ST8SIA2: variants seen among roughly 807,000 people sequenced by gnomAD.
The protein encoded by ST8SIA2 is ST8 alpha-N-acetyl-neuraminide alpha-2,8-sialyltransferase 2.
A neutral mutation model predicts 37.6 loss-of-function variants in ST8SIA2; 22 were observed. The observed-to-expected ratio is 0.58, with a 90% CI of 0.42 to 0.83. The LOEUF is 0.83. ST8SIA2 is among the 40% of genes least tolerant of loss of function. ST8SIA2 has a pLI of 0.00. For synonymous variants in ST8SIA2, 205 were observed against 201.2 expected, an observed-to-expected ratio of 1.02 and a Z score of -0.16; for missense variants, 382 against 484.7, an observed-to-expected ratio of 0.79 and a Z score of 1.99.
intron 4 of ST8SIA2, among the ~76,000 whole-genome samples, chr15:92,443,894 G>C (rs774302235): frequency 6.6e-6 from 1 of 152,054 alleles, no homozygotes; most frequent in Non-Finnish European, 1.5e-5. Context: ...CGAGGAACCC[G>C]GGAATCTATA....
At chr15:92,449,377 A>G (rs974334079) in intron 5 of ST8SIA2, among the ~76,000 whole-genome samples, 2 of 152,340 alleles carry the variant, frequency 1.3e-5, no homozygotes, top group Non-Finnish European at 2.9e-5. Flanking sequence ...TCCATGGTGT[A>G]TATGTACCAC....
chr15:92,438,722 C>G, intron 4 of ST8SIA2, 112 bp downstream of exon 4: 1 of 1,393,804 alleles, frequency 7.2e-7, no homozygotes, highest in Non-Finnish European at 9.5e-7. Context: ...GTGGAGTTAG[C>G]CCCTGCTCTC....
Position 92,397,374 on chromosome 15 carries a change from G to T in ST8SIA2, c.98+3212G>T, listed in dbSNP as rs75216219. Among the ~76,000 whole-genome samples the T allele has an allele frequency of 8.4e-3, 1,285 of 152,172 alleles. 17 individuals carry two copies. The highest frequency in any genetic ancestry group is 0.029 in the African/African-American group (1,189 of 41,498). On this transcript the variant is annotated intron_variant, in intron 1 of 5. Transcript: ENST00000268164. ...TTGAGGGGCAGGGCTTTCTTTGAGG[G>T]GAGTTTTCTGAGACACACATCTCTT...
Position 92,464,201 on chromosome 15 carries a change from T to C in ST8SIA2, c.944T>C (p.Phe315Ser). 6.2e-7 allele frequency: 1 copy of C among 1,613,638 alleles called. No homozygotes were observed. The highest frequency in any genetic ancestry group is 8.5e-7 in the Non-Finnish European group (1 of 1,179,938). The change falls in exon 6 of 6, where the codon TTC (phenylalanine) becomes TCC (serine). Residue 315 changes from phenylalanine (F) to serine (S), a missense_variant. By Grantham distance (155) the Phe-to-Ser change is radical. Coordinates refer to ENST00000268164, the MANE Select transcript of ST8SIA2 (RefSeq NM_006011.4). ...RFCKQIYLYG[F>S]WPFPLDQNQN... ...TGCAAACAAATCTACCTCTACGGCTTCTGGCCCTTTCCGCTGGATCAGAAC... is the reference window on the plus strand; with the variant it reads ...TGCAAACAAATCTACCTCTACGGCTCCTGGCCCTTTCCGCTGGATCAGAAC...
intron 1 of ST8SIA2, among the ~76,000 whole-genome samples, chr15:92,418,132 C>A (rs2049601300): frequency 6.6e-6 from 1 of 152,032 alleles, no homozygotes; most frequent in Non-Finnish European, 1.5e-5. Context: ...CCTGGGTGTC[C>A]TATTTCCAAA....
chr15:92,415,883 C>T (rs898820356), intron 1 of ST8SIA2, among the ~76,000 whole-genome samples: 6 of 152,044 alleles, frequency 3.9e-5, no homozygotes, highest in African/African-American at 7.2e-5. Flanking sequence ...AACTGAGTCA[C>T]GCATTCCAGA....
At chr15:92,449,530 T>C (rs1186151281) in intron 5 of ST8SIA2, among the ~76,000 whole-genome samples, 2 of 152,254 alleles carry the variant, frequency 1.3e-5, no homozygotes, top group African/African-American at 4.8e-5. Context: ...CATCCAGTAA[T>C]GGGATTGCTG....
chr15:92,428,348 GAGTAAGGTGACACT>G (rs1316780532), intron 1 of ST8SIA2, among the ~76,000 whole-genome samples: 68 of 152,322 alleles, frequency 4.5e-4, no homozygotes, highest in African/African-American at 1.5e-3. Context: ...TTTCTGTCTA[GAGTAAGGTGACACT>G]CAACTGTTTT....
At chr15:92,428,570 C>T (rs931779514) in intron 1 of ST8SIA2, among the ~76,000 whole-genome samples, 3 of 152,178 alleles carry the variant, frequency 2.0e-5, no homozygotes, top group African/African-American at 7.2e-5. Context: ...GCCCTTGGGA[C>T]CCAACCCAGG....
chr15:92,441,663 C>A (rs1460140416), intron 4 of ST8SIA2, among the ~76,000 whole-genome samples: 2 of 152,004 alleles, frequency 1.3e-5, no homozygotes, highest in Non-Finnish European at 2.9e-5. Flanking sequence ...AATGCCCTTC[C>A]ATGGATAAAC....
intron 4 of ST8SIA2, among the ~76,000 whole-genome samples, 200 bp from the exon 5 acceptor site, chr15:92,444,436 C>A (rs967498875): frequency 1.3e-5 from 2 of 152,120 alleles, no homozygotes; most frequent in South Asian, 2.1e-4. Context: ...TCTAGGTACA[C>A]GATATGAGCT....
At chr15:92,419,078 C>G (rs1301774839) in intron 1 of ST8SIA2, among the ~76,000 whole-genome samples, 1 of 152,118 alleles carries the variant, frequency 6.6e-6, no homozygotes, top group African/African-American at 2.4e-5. Context: ...GTGAGCCAGG[C>G]AGAAGGTGGG....
chr15:92,413,249 A>G (rs1266386752), intron 1 of ST8SIA2, among the ~76,000 whole-genome samples: 2 of 152,188 alleles, frequency 1.3e-5, no homozygotes, highest in Non-Finnish European at 1.5e-5. Flanking sequence ...CTCAGCCATA[A>G]CCTATCCTCC....
intron 5 of ST8SIA2, among the ~76,000 whole-genome samples, chr15:92,457,486 C>T (rs545834786): frequency 2.9e-4 from 44 of 152,288 alleles, no homozygotes; most frequent in Non-Finnish European, 5.7e-4. Context: ...ATTACTTTGG[C>T]TTCTAATTAA....
Position 92,444,892 on chromosome 15 carries a change from G to A in ST8SIA2, c.805G>A (p.Ala269Thr), listed in dbSNP as rs931187981. 3.7e-6 allele frequency: 6 copies of A among 1,613,162 alleles called. No individual in the cohort carries two copies. The highest frequency in any genetic ancestry group is 5.1e-6 in the Non-Finnish European group (6 of 1,180,038). Residue 269 changes from alanine to threonine, a missense_variant, in exon 5 of 6, where the codon GCA becomes ACA. Ala to Thr is a moderately conservative substitution (Grantham distance 58). Transcript: ENST00000268164. ...ILKHHVNVRTAYPSLRLLHAV... is the reference protein window; with the variant it reads ...ILKHHVNVRTTYPSLRLLHAV... Reference sequence around the variant, plus strand: ...GAAGCACCACGTCAACGTGCGCACTGCATACCCCTCGCTGCGCCTGCTGCA... The same window carrying A: ...GAAGCACCACGTCAACGTGCGCACTACATACCCCTCGCTGCGCCTGCTGCA...
intron 1 of ST8SIA2, among the ~76,000 whole-genome samples, chr15:92,411,308 T>A (rs1466661891): frequency 6.6e-6 from 1 of 152,074 alleles, no homozygotes; most frequent in African/African-American, 2.4e-5. Flanking sequence ...GATGCATCAG[T>A]TGCTTGGAGG....
intron 5 of ST8SIA2, among the ~76,000 whole-genome samples, chr15:92,455,806 A>T (rs893296900): frequency 2.0e-5 from 3 of 152,218 alleles, no homozygotes; most frequent in African/African-American, 7.2e-5. Context: ...GCCAATTTGC[A>T]TTGTTAATTT....
intron 5 of ST8SIA2, among the ~76,000 whole-genome samples, chr15:92,451,456 C>T (rs539621141): frequency 6.6e-6 from 1 of 152,346 alleles, no homozygotes; most frequent in Admixed American, 6.5e-5. Flanking sequence ...CTGGGCATGA[C>T]ACAGTTGTGC....
At chr15:92,420,270 C>T (rs2049623395) in intron 1 of ST8SIA2, among the ~76,000 whole-genome samples, 1 of 152,128 alleles carries the variant, frequency 6.6e-6, no homozygotes, top group Admixed American at 6.5e-5. Flanking sequence ...TTCTGGTTGG[C>T]GTTTCTGTTC....
Sources: gnomAD v4.1 joint callset for allele counts (sites outside exome capture counted in the v4.1 genomes callset) on GRCh38, gnomAD v4.1.1 for gene constraint, MANE v1.5 for transcripts, NCBI Gene and HGNC (gene_info 2026-07-23, HGNC 2026-07-21) for gene names.